ERICH1: variants seen among roughly 807,000 people sequenced by gnomAD.
ERICH1 encodes glutamate-rich protein 1.
In ERICH1, 56 loss-of-function variants were observed where a neutral mutation model predicts 39.6. That is an observed-to-expected ratio of 1.41 (90% CI 1.14 to 1.77). The LOEUF (loss-of-function observed/expected upper bound fraction) is 1.77. ERICH1 is among the 40% of genes most tolerant of loss of function. The probability of loss-of-function intolerance (pLI) is 0.00; values close to 1 mark genes in which losing one functional copy is unlikely to be tolerated. For synonymous variants in ERICH1, 313 were observed against 223.6 expected (o/e 1.40, Z -3.57); for missense variants, 826 against 575.4 (o/e 1.44, Z -4.45).
In ERICH1 at chr8:715,906, C is replaced by G; in HGVS notation, c.124G>C (p.Val42Leu). 1 of 1,613,976 alleles carries G rather than the reference C, an allele frequency of 6.2e-7. No homozygotes were observed. Among genetic ancestry groups the G allele is most frequent in the South Asian group, 1.1e-5 (1 of 91,018 alleles). ...TLAVQNPPKK[V>L]TSEKVSQKHA... is the part of the protein sequence containing the mutation. ...TTCTGGCTCACTTTCTCAGAGGTCA[C>G]TTTCTTTGGTGGATTTTGGACGGCC... The change falls in exon 2 of 6, where the codon GTG becomes CTG. Residue 42 changes from valine (V) to leucine (L), a missense_variant. Coordinates refer to ENST00000262109, the MANE Select transcript of ERICH1 (RefSeq NM_207332.3).
At chr8:681,708 T>A (rs1585256105) in intron 3 of ERICH1, among the ~76,000 whole-genome samples, 1 of 152,182 alleles carries the variant, frequency 6.6e-6, no homozygotes, top group South Asian at 2.1e-4. Context: ...CTGTTAGGTT[T>A]CCTGCCAAGC....
At position 664,598 on chromosome 8, in the gene ERICH1, C is replaced by A; in HGVS notation, c.*5G>T. The A allele has an allele frequency of 6.2e-7, 1 of 1,605,024 alleles. No homozygotes were observed. Among genetic ancestry groups the A allele is most frequent in the Non-Finnish European group, 8.5e-7 (1 of 1,176,562 alleles). On this transcript the variant is annotated 3_prime_UTR_variant, in exon 6 of 6. Transcript: ENST00000262109. Reference sequence around the variant, plus strand: ...GAGGAGCTGTTCTTAAAGAGATATTCCATTTTAGTCACTGCTCTTCTCAGG... The same window carrying A: ...GAGGAGCTGTTCTTAAAGAGATATTACATTTTAGTCACTGCTCTTCTCAGG...
At chr8:689,795 G>A (rs750909070) in intron 3 of ERICH1, among the ~76,000 whole-genome samples, 4 of 152,184 alleles carry the variant, frequency 2.6e-5, no homozygotes, top group African/African-American at 7.2e-5. Context: ...GGACGTAAGC[G>A]GTATTTTGAG....
At chr8:621,087 G>A (rs1013632400) in intron 3 of ERICH1, among the ~76,000 whole-genome samples, 1 of 152,066 alleles carries the variant, frequency 6.6e-6, no homozygotes, top group African/African-American at 2.4e-5. Context: ...GAGCACAATA[G>A]ACTTAAATTA....
chr8:717,664 C>T (rs1235079546), intron 1 of ERICH1, among the ~76,000 whole-genome samples: 1 of 152,206 alleles, frequency 6.6e-6, no homozygotes, highest in African/African-American at 2.4e-5. Context: ...AACCAGCCGT[C>T]CAATTCTGCA....
intron 3 of ERICH1, among the ~76,000 whole-genome samples, chr8:625,128 C>T (rs943857944): frequency 2.6e-5 from 4 of 152,196 alleles, no homozygotes; most frequent in Admixed American, 6.5e-5. Context: ...GCTCCCTCCT[C>T]CAACATCGGA....
chr8:684,543 G>C (rs1194431566), intron 3 of ERICH1, among the ~76,000 whole-genome samples: 1 of 152,092 alleles, frequency 6.6e-6, no homozygotes, highest in East Asian at 1.9e-4. Context: ...TTACTTCACG[G>C]GTTTTCAGTG....
Position 630,274 on chromosome 8 carries a change from GGC to G in ERICH1, c.977-14992_977-14991del, listed in dbSNP as rs1797919251. ...TCACACCCTCCCGTGACCACCCACAGGCAGAGGTGACTCACACCCTCCTGTGA... is the reference window on the plus strand; with the variant it reads ...TCACACCCTCCCGTGACCACCCACAGAGAGGTGACTCACACCCTCCTGTGA... On this transcript the variant is annotated intron_variant, in intron 3 of 3. Transcript: ENST00000522706. Among the ~76,000 whole-genome samples, 3 of 68,192 alleles carry G rather than the reference GGC, an allele frequency of 4.4e-5. No homozygotes were observed. The South Asian group carries it at 1.6e-3, about 37-fold the overall frequency. The allele number at this position is 68,192 out of a possible 152,430, so 44.7% of individuals were successfully genotyped here. A position where few individuals can be genotyped will look rare whatever the true frequency, so the allele number is the denominator to read the frequency against.
At chr8:719,802 C>T (rs1015279552) in intron 1 of ERICH1, among the ~76,000 whole-genome samples, 1 of 152,162 alleles carries the variant, frequency 6.6e-6, no homozygotes, top group African/African-American at 2.4e-5. Context: ...ATGTTTCATT[C>T]GTTCCAAGGA....
At chr8:701,699 T>G (rs1563303106) in intron 2 of ERICH1, among the ~76,000 whole-genome samples, 1 of 152,210 alleles carries the variant, frequency 6.6e-6, no homozygotes, top group African/African-American at 2.4e-5. Flanking sequence ...AGGTAGATTT[T>G]AGATAAAGAT....
At chr8:627,949 G>T (rs1022038104) in intron 3 of ERICH1, among the ~76,000 whole-genome samples, 10 of 152,148 alleles carry the variant, frequency 6.6e-5, no homozygotes, top group Admixed American at 1.3e-4. Context: ...GGCCGGGGGG[G>T]CCTGGAACGT....
chr8:701,111 C>T (rs1812007955), intron 2 of ERICH1, among the ~76,000 whole-genome samples: 2 of 67,110 alleles, frequency 3.0e-5, no homozygotes, highest in South Asian at 1.2e-3. Context: ...TTTAAACACA[C>T]ATGGCCAAGG....
intron 2 of ERICH1, among the ~76,000 whole-genome samples, chr8:710,585 C>A (rs962475076): frequency 2.0e-5 from 3 of 152,262 alleles, no homozygotes; most frequent in African/African-American, 7.2e-5. Flanking sequence ...GGGGTCTCCT[C>A]AGTTTTGCTT....
chr8:718,365 G>A lies in ERICH1; in HGVS notation c.23-2358C>T, dbSNP rs113817387. Among the ~76,000 whole-genome samples, 1,129 of 152,118 alleles carry A rather than the reference G, an allele frequency of 7.4e-3. 15 individuals are homozygous for A. Among genetic ancestry groups the A allele is most frequent in the African/African-American group, 0.025 (1,043 of 41,502 alleles). On this transcript the variant is annotated intron_variant, in intron 1 of 5. Coordinates refer to ENST00000262109, the MANE Select transcript of ERICH1 (RefSeq NM_207332.3). ...GAGCTAAAAGCGACATAATAAGAAT[G>A]TGCCTTAAAAAAAAAGAAAGGTAGG...
intron 3 of ERICH1, among the ~76,000 whole-genome samples, chr8:684,433 T>C (rs75311678): frequency 0.022 from 3,302 of 147,968 alleles, 129 homozygotes; most frequent in African/African-American, 0.077. Flanking sequence ...AATGAGGTTA[T>C]ATTTGTGTGA....
At chr8:711,642 C>A (rs1189191237) in intron 2 of ERICH1, among the ~76,000 whole-genome samples, 3 of 152,032 alleles carry the variant, frequency 2.0e-5, no homozygotes, top group African/African-American at 7.2e-5. Context: ...GGACTACAGG[C>A]GCCCGCCACC....
At chr8:617,493 C>T (rs764447319) in intron 3 of ERICH1, among the ~76,000 whole-genome samples, 1 of 152,214 alleles carries the variant, frequency 6.6e-6, no homozygotes, top group Non-Finnish European at 1.5e-5. Flanking sequence ...TCCTCACTTC[C>T]CTCTGAATGC....
chr8:701,918 C>T (rs905197080), intron 2 of ERICH1, among the ~76,000 whole-genome samples: 6 of 151,770 alleles, frequency 4.0e-5, no homozygotes, highest in Admixed American at 6.6e-5. Flanking sequence ...GGTGAAACCT[C>T]GTCTCTACTA....
At chr8:629,093 A>T (rs1797763947) in intron 3 of ERICH1, among the ~76,000 whole-genome samples, 3 of 152,168 alleles carry the variant, frequency 2.0e-5, no homozygotes. Context: ...GTTGGAAATC[A>T]TTAGGGACAA....
Sources: gnomAD v4.1 joint callset for allele counts (sites outside exome capture counted in the v4.1 genomes callset) on GRCh38, gnomAD v4.1.1 for gene constraint, MANE v1.5 for transcripts, NCBI Gene and HGNC (gene_info 2026-07-23, HGNC 2026-07-21) for gene names.